The following ADAM22 variants were observed in gnomAD, a reference collection of about 807,000 sequenced individuals.
ADAM22 encodes the protein ADAM metallopeptidase domain 22.
A neutral mutation model predicts 144.6 loss-of-function variants in ADAM22; 65 were observed. The observed-to-expected ratio is 0.45, with a 90% confidence interval of 0.37 to 0.55. The LOEUF (loss-of-function observed/expected upper bound fraction) is 0.55. Among genes scored for constraint, ADAM22 ranks in the 20% least tolerant of loss-of-function variants. The probability of loss-of-function intolerance (pLI) is 0.00; values close to 1 mark genes in which losing one functional copy is unlikely to be tolerated. For missense variants in ADAM22, 974 were observed against 1,184.9 expected (o/e 0.82, Z 2.61); for synonymous variants, 391 against 412.6 (o/e 0.95, Z 0.63).
chr7:88,153,440 T>G (rs1467620803), intron 21 of ADAM22, 114 bp downstream of exon 21: 7 of 772,238 alleles, frequency 9.1e-6, no homozygotes, highest in Non-Finnish European at 1.2e-5. Context: ...TCTTGCCTCC[T>G]TAACCTCATC....
intron 4 of ADAM22, among the ~76,000 whole-genome samples, chr7:88,106,513 G>A (rs1420430114): frequency 1.3e-5 from 2 of 152,258 alleles, no homozygotes; most frequent in East Asian, 3.9e-4. Flanking sequence ...ATTTTAAGTA[G>A]TGTCAGTCCT....
chr7:88,011,138 G>A (rs1235118130), intron 3 of ADAM22, among the ~76,000 whole-genome samples: 3 of 152,178 alleles, frequency 2.0e-5, no homozygotes, highest in Non-Finnish European at 4.4e-5. Context: ...TTGAGAAAGG[G>A]ATCAGAGGGC....
intron 17 of ADAM22, among the ~76,000 whole-genome samples, chr7:88,148,120 C>T (rs1479734360): frequency 6.6e-6 from 1 of 152,090 alleles, no homozygotes; most frequent in East Asian, 1.9e-4. Flanking sequence ...ACTCAAATGC[C>T]TGTAGAGTTC....
At chr7:88,037,611 TA>T (rs556665816) in intron 3 of ADAM22, among the ~76,000 whole-genome samples, 166 of 152,224 alleles carry the variant, frequency 1.1e-3, no homozygotes, top group African/African-American at 3.6e-3. Flanking sequence ...TTTTTATTTT[TA>T]TTTTTTTTTG....
intron 2 of ADAM22, among the ~76,000 whole-genome samples, chr7:87,950,101 G>A (rs1844674160): frequency 6.6e-6 from 1 of 151,942 alleles, no homozygotes; most frequent in African/African-American, 2.4e-5. Context: ...ATATCTCAGT[G>A]TAAAAGGAGG....
chr7:88,040,847 A>C (rs753274984), intron 3 of ADAM22, among the ~76,000 whole-genome samples: 4 of 151,902 alleles, frequency 2.6e-5, no homozygotes, highest in African/African-American at 7.2e-5. Flanking sequence ...AGAGTCATTC[A>C]AGGTTGTTGG....
intron 4 of ADAM22, among the ~76,000 whole-genome samples, chr7:88,080,697 C>T (rs1816280414): frequency 6.6e-6 from 1 of 152,036 alleles, no homozygotes; most frequent in Non-Finnish European, 1.5e-5. Flanking sequence ...ATACAAACTA[C>T]CATCAGAGAA....
intron 6 of ADAM22, among the ~76,000 whole-genome samples, chr7:88,116,387 C>G (rs1388844378): frequency 6.6e-6 from 1 of 152,182 alleles, no homozygotes; most frequent in Non-Finnish European, 1.5e-5. Context: ...CCTACCAAAG[C>G]TCTCTGACTT....
At chr7:88,113,693 TAAATAA>T (rs1180693830) in intron 5 of ADAM22, among the ~76,000 whole-genome samples, 8 of 59,354 alleles carry the variant, frequency 1.3e-4, no homozygotes, top group African/African-American at 6.8e-4. Context: ...ATATTATAAA[TAAATAA>T]ATAAATATAT....
intron 2 of ADAM22, among the ~76,000 whole-genome samples, chr7:87,952,096 AT>A (rs1308408047): frequency 6.6e-6 from 1 of 151,594 alleles, no homozygotes; most frequent in Non-Finnish European, 1.5e-5. Context: ...AACAGGGACA[AT>A]TTGACTTCCT....
At chr7:87,994,723 C>A (rs1790708985) in intron 3 of ADAM22, among the ~76,000 whole-genome samples, 1 of 152,080 alleles carries the variant, frequency 6.6e-6, no homozygotes, top group Non-Finnish European at 1.5e-5. Flanking sequence ...TTGCTGTGTA[C>A]CTTGCATTTA....
chr7:88,111,545 C>T (rs1390889245), intron 5 of ADAM22, among the ~76,000 whole-genome samples: 1 of 152,156 alleles, frequency 6.6e-6, no homozygotes, highest in African/African-American at 2.4e-5. Flanking sequence ...AATCTTGTTA[C>T]TGTGGGAACC....
rs1260467670 is a variant in ADAM22 at position 87,935,110 on chromosome 7, A to G, written c.170A>G (p.Tyr57Cys). 2.5e-6 allele frequency: 4 copies of G among 1,613,606 alleles called. No homozygotes were observed. In the African/African-American group the frequency reaches 5.3e-5, roughly 22 times the overall value. ...RQSIVPLRLIYRSGGEDESRH... is the reference protein window; with the variant it reads ...RQSIVPLRLICRSGGEDESRH... ...AGCATCGTGCCACTGCGCCTCATCT[A>G]CCGCTCGGGCGGCGAAGACGAAAGT... The change falls in exon 2 of 32, where the codon TAC (tyrosine) becomes TGC (cysteine). Residue 57 changes from tyrosine to cysteine, a missense_variant. Coordinates refer to ENST00000413139, the MANE Select transcript of ADAM22 (RefSeq NM_001324418.2).
intron 3 of ADAM22, among the ~76,000 whole-genome samples, chr7:87,993,896 A>G (rs1196283366): frequency 6.6e-6 from 1 of 152,182 alleles, no homozygotes; most frequent in Admixed American, 6.5e-5. Flanking sequence ...AACTAGCCCT[A>G]CTCAAAGAGT....
intron 17 of ADAM22, among the ~76,000 whole-genome samples, chr7:88,147,827 G>C (rs778926111): frequency 1.3e-5 from 2 of 152,066 alleles, no homozygotes; most frequent in Admixed American, 6.6e-5. Flanking sequence ...ATTCTAAAAT[G>C]TTGGCTTGTC....
At chr7:87,982,701 T>TATATATATATATATAAAA (rs1554373733) in intron 3 of ADAM22, among the ~76,000 whole-genome samples, 11 of 33,778 alleles carry the variant, frequency 3.3e-4, no homozygotes, top group African/African-American at 1.4e-3. Flanking sequence ...ATATATATAA[T>TATATATATATATATAAAA]TTTTTTTTTT....
chr7:88,170,394 G>C (rs1324627690), intron 25 of ADAM22, among the ~76,000 whole-genome samples: 1 of 151,626 alleles, frequency 6.6e-6, no homozygotes, highest in Non-Finnish European at 1.5e-5. Flanking sequence ...TTTCTCATTA[G>C]TTTGTCCAGT....
At chr7:88,108,087 G>A (rs1287618486) in intron 4 of ADAM22, 89 bp from the exon 5 acceptor site, 1 of 890,230 alleles carries the variant, frequency 1.1e-6, no homozygotes, top group Admixed American at 2.2e-5. Flanking sequence ...TAGATGTGGA[G>A]GTGCATTGTG....
rs140505978 is a variant in ADAM22, at chr7:88,143,026, C to G, written c.1221C>G (p.Gly407=). Residue 407 remains glycine (G), a splice_region_variant and synonymous_variant, in exon 15 of 32, where the codon GGC becomes GGG. Transcript: ENST00000413139. ...CTATTGCTTTTCTTCTCTTTTATAG[C>G]TATTATCTTCCTAAAAAGTTCACCC... ...TWSGCIMGDT[G]YYLPKKFTQC... The G allele has an allele frequency of 1.9e-6, 3 of 1,589,492 alleles. No individual in the cohort carries two copies. The African/African-American group carries it at 4.0e-5, about 21-fold the overall frequency.
Sources: allele counts gnomAD v4.1 joint callset (sites outside exome capture counted in the v4.1 genomes callset), GRCh38; gene constraint gnomAD v4.1.1; transcripts MANE v1.5; gene names NCBI Gene and HGNC (gene_info 2026-07-23, HGNC 2026-07-21).